Variants in RNPEPL1 observed in about 807,000 individuals in gnomAD.
The protein encoded by RNPEPL1 is aminopeptidase RNPEPL1.
RNPEPL1 carries 46 observed loss-of-function variants against 69.0 expected under a neutral mutation model. The observed-to-expected ratio is 0.67, with a 90% CI of 0.53 to 0.85. The LOEUF is 0.85. Among genes scored for constraint, RNPEPL1 ranks in the 40% least tolerant of loss-of-function variants. The probability of loss-of-function intolerance (pLI) is 0.00; values close to 1 mark genes in which losing one functional copy is unlikely to be tolerated. For synonymous variants in RNPEPL1, 525 were observed against 454.1 expected (o/e 1.16, Z -1.98); for missense variants, 869 against 992.5 (o/e 0.88, Z 1.67).
chr2:240,573,009 G>T, intron 2 of RNPEPL1, 101 bp from the exon 3 acceptor site: 2 of 1,344,360 alleles, frequency 1.5e-6, no homozygotes, highest in Non-Finnish European at 2.0e-6. Context: ...GGGATGTAGG[G>T]TTTCCTGCTA....
chr2:240,570,628 C>T (rs551255778), intron 1 of RNPEPL1, among the ~76,000 whole-genome samples: 1 of 152,208 alleles, frequency 6.6e-6, no homozygotes, highest in Admixed American at 6.5e-5. Flanking sequence ...GGGCCCCAGG[C>T]CCCCAGAGGC....
rs1469727911 is a variant in RNPEPL1, at chr2:240,569,070, C to T, written c.484C>T (p.Pro162Ser). 1.6e-5 allele frequency: 24 copies of T among 1,510,036 alleles called. No individual in the cohort carries two copies. In the East Asian group the frequency reaches 6.2e-4, roughly 39 times the overall value. 93.5% of individuals were successfully genotyped at this position (1,510,036 alleles called of 1,614,324 possible). Residue 162 changes from proline (P) to serine (S), a missense_variant, in exon 1 of 11, where the codon CCC becomes TCC. Coordinates refer to ENST00000270357, the MANE Select transcript of RNPEPL1 (RefSeq NM_018226.6). ...TLPPELQAHQ[P>S]FQVILRYTST... is the part of the protein sequence containing the mutation. Reference sequence around the variant, plus strand: ...GCCGCCCGAGCTGCAGGCGCACCAGCCCTTCCAGGTCATCCTGCGGTACAC... The same window carrying T: ...GCCGCCCGAGCTGCAGGCGCACCAGTCCTTCCAGGTCATCCTGCGGTACAC...
intron 1 of RNPEPL1, among the ~76,000 whole-genome samples, chr2:240,571,737 A>G (rs772228799): frequency 6.6e-6 from 1 of 151,368 alleles, no homozygotes; most frequent in Non-Finnish European, 1.5e-5. Context: ...CTGTGAGCGC[A>G]CCCATTCCAC....
rs528988675 is a variant in RNPEPL1 at position 240,571,098 on chromosome 2, C to G, written c.529-1325C>G. On this transcript the variant is annotated intron_variant, in intron 1 of 10. Transcript: ENST00000270357. ...ATACAGATTCCCAGGTCCCAGCCCC[C>G]CCCAAGGGGGAGGCTGCGTTTGTGA... Among the ~76,000 whole-genome samples, 10 of 152,252 alleles carry G rather than the reference C, an allele frequency of 6.6e-5. No individual in the cohort carries two copies. In the South Asian group the frequency reaches 2.1e-3, roughly 32 times the overall value.
chr2:240,573,877 C>T lies in RNPEPL1; in HGVS notation c.924C>T (p.Pro308=), dbSNP rs574682303. ...WLSAAERLYG[P]YMWGRYDIVF... is the part of the protein sequence containing the mutation. The stretch of plus-strand genomic sequence containing the variant: ...GTGCAGCTGAGCGGCTGTATGGGCC[C>T]TACATGTGGGGCAGGTAGGCCCCGG... Residue 308 remains proline (P), a synonymous_variant, in exon 4 of 11, where the codon CCC becomes CCT. Coordinates refer to ENST00000270357, the MANE Select transcript of RNPEPL1 (RefSeq NM_018226.6). 15 of 1,574,422 alleles carry T rather than the reference C, an allele frequency of 9.5e-6. No individual in the cohort carries two copies. In the African/African-American group the frequency reaches 2.0e-4, roughly 21 times the overall value.
chr2:240,575,215 T>C, intron 7 of RNPEPL1, 73 bp downstream of exon 7: 1 of 1,209,428 alleles, frequency 8.3e-7, no homozygotes. Flanking sequence ...CAGGGCTGCC[T>C]GCTCTTGCGG....
chr2:240,571,765 C>T (rs2093022253), intron 1 of RNPEPL1, among the ~76,000 whole-genome samples: 1 of 151,836 alleles, frequency 6.6e-6, no homozygotes, highest in Non-Finnish European at 1.5e-5. Flanking sequence ...ACCGCAGCCC[C>T]CGGCCTCCAG....
In RNPEPL1 at chr2:240,569,131, C is replaced by A. The variant is rs2093013821; in HGVS notation, c.528+17C>A. On this transcript the variant is annotated intron_variant, in intron 1 of 10. Transcript: ENST00000270357. ...GCCCCCGCCGTGAGTCCGGGGCGGG[C>A]GCCGGGGCTGCGGGCCGGTCCGCAG... 8 of 1,465,022 alleles carry A rather than the reference C, an allele frequency of 5.5e-6. No individual in the cohort carries two copies. The highest frequency in any genetic ancestry group is 2.9e-5 in the East Asian group (1 of 34,588). The allele number at this position is 1,465,022 out of a possible 1,614,324, so 90.8% of individuals were successfully genotyped here. A position where few individuals can be genotyped will look rare whatever the true frequency, so the allele number is the denominator to read the frequency against.
chr2:240,574,397 T>C (rs1388965638), intron 5 of RNPEPL1, 49 bp downstream of exon 5: 1 of 1,565,654 alleles, frequency 6.4e-7, no homozygotes, highest in Non-Finnish European at 8.7e-7. Flanking sequence ...TGGGCACTGG[T>C]CCAGGGGCAG....
At chr2:240,577,496 C>T (rs1264666757) in intron 10 of RNPEPL1, 103 bp from the exon 11 acceptor site, 2 of 1,303,696 alleles carry the variant, frequency 1.5e-6, no homozygotes, top group Admixed American at 2.3e-5. Context: ...AATGATGAAG[C>T]TGGGAAGCCA....
intron 1 of RNPEPL1, among the ~76,000 whole-genome samples, chr2:240,571,429 T>C (rs2093021137): frequency 6.6e-6 from 1 of 152,146 alleles, no homozygotes. Flanking sequence ...GACTATCTCA[T>C]TCCGGCAGAG....
At chr2:240,573,708 G>C (rs1280859719) in intron 3 of RNPEPL1, 67 bp from the exon 4 acceptor site, 4 of 1,336,608 alleles carry the variant, frequency 3.0e-6, no homozygotes, top group Admixed American at 4.7e-5. Context: ...AGGGCAGTGG[G>C]AGAGCCTGGT....
chr2:240,577,252 C>T (rs1167699917), intron 10 of RNPEPL1, among the ~76,000 whole-genome samples: 1 of 152,306 alleles, frequency 6.6e-6, no homozygotes, highest in South Asian at 2.1e-4. Flanking sequence ...CCACCACAGC[C>T]TGCTGGGCCC....
intron 8 of RNPEPL1, 123 bp from the exon 9 acceptor site, chr2:240,576,412 C>T (rs2093037798): frequency 2.3e-6 from 2 of 875,962 alleles, no homozygotes; most frequent in Admixed American, 5.2e-5. Flanking sequence ...CCTGAACAGC[C>T]CACGTCCCTG....
At chr2:240,575,001 G>A (rs376436789) in intron 6 of RNPEPL1, 29 bp from the exon 7 acceptor site, 76 of 1,571,342 alleles carry the variant, frequency 4.8e-5, no homozygotes, top group Middle Eastern at 1.7e-4. Context: ...GGTTTCGGAC[G>A]CCAGCCCAGG....
chr2:240,572,290 C>T (rs2093023960), intron 1 of RNPEPL1, 133 bp from the exon 2 acceptor site: 1 of 1,120,942 alleles, frequency 8.9e-7, no homozygotes. Flanking sequence ...GCTATTGGCC[C>T]TCGAACCCAG....
rs796677058 is a variant in RNPEPL1, at chr2:240,571,746, A to G, written c.529-677A>G. 7.2e-5 allele frequency among the ~76,000 whole-genome samples: 11 copies of G among 151,838 alleles called. 1 individual carries two copies. In the East Asian group the frequency reaches 1.2e-3, roughly 16 times the overall value. On this transcript the variant is annotated intron_variant, in intron 1 of 10. Transcript: ENST00000270357. ...CAGCTGCTGTGAGCGCACCCATTCC[A>G]CAGCACTCACCGCAGCCCCCGGCCT...
rs1459477023 is a variant in RNPEPL1 at position 240,581,196 on chromosome 2, A to C, written c.*3304A>C. On this transcript the variant is annotated 3_prime_UTR_variant, in exon 11 of 11. Transcript: ENST00000270357. ...AGACAGAGGCAACAGAAAAATCAGAAAAGGACTTTAGAACACATATAATCA... is the reference window on the plus strand; with the variant it reads ...AGACAGAGGCAACAGAAAAATCAGACAAGGACTTTAGAACACATATAATCA... The C allele has an allele frequency of 6.6e-6, 1 of 152,260 alleles. No individual in the cohort carries two copies. The highest frequency in any genetic ancestry group is 1.5e-5 in the Non-Finnish European group (1 of 68,054). The allele number at this position is 152,260 out of a possible 1,614,324, so 9.4% of individuals were successfully genotyped here. A position where few individuals can be genotyped will look rare whatever the true frequency, so the allele number is the denominator to read the frequency against.
In RNPEPL1 at chr2:240,578,801, C is replaced by G. The variant is rs1324543707; in HGVS notation, c.*909C>G. ...TGGCTGTGTAGGGTGGGCTGGCCTGCCGGGACTTGGGGCCTGGAGCTGGTC... is the reference window on the plus strand; with the variant it reads ...TGGCTGTGTAGGGTGGGCTGGCCTGGCGGGACTTGGGGCCTGGAGCTGGTC... On this transcript the variant is annotated 3_prime_UTR_variant, in exon 11 of 11. Coordinates refer to ENST00000270357, the MANE Select transcript of RNPEPL1 (RefSeq NM_018226.6). 1.3e-5 allele frequency: 2 copies of G among 152,802 alleles called. No homozygotes were observed. The highest frequency in any genetic ancestry group is 2.9e-5 in the Non-Finnish European group (2 of 68,426). The allele number at this position is 152,802 out of a possible 1,614,324, so 9.5% of individuals were successfully genotyped here.
Sources: gnomAD v4.1 joint callset for allele counts (sites outside exome capture counted in the v4.1 genomes callset) on GRCh38, gnomAD v4.1.1 for gene constraint, MANE v1.5 for transcripts, NCBI Gene and HGNC (gene_info 2026-07-23, HGNC 2026-07-21) for gene names.